SLC18A1: variants seen among roughly 807,000 people sequenced by gnomAD.
The protein encoded by SLC18A1 is chromaffin granule amine transporter.
Under a neutral mutation model 53.7 loss-of-function variants are expected in SLC18A1, and 69 were observed. The ratio of observed to expected loss-of-function variants is 1.28; its 90% CI spans 1.06 to 1.57. The LOEUF is 1.57. Ranked by LOEUF, SLC18A1 falls within the 40% of genes most tolerant of loss-of-function variation. The probability of loss-of-function intolerance (pLI) is 0.00; values close to 1 mark genes in which losing one functional copy is unlikely to be tolerated. For missense variants in SLC18A1, 932 were observed against 668.1 expected, an observed-to-expected ratio of 1.40 and a Z score of -4.35; for synonymous variants, 320 against 248.1, an observed-to-expected ratio of 1.29 and a Z score of -2.72.
rs2072402816 is a variant in SLC18A1, at chr8:20,180,696, T to C, written c.124+145A>G. ...AGACTCCATTTTCTGCAGGGCTTTT[T>C]TCCAGTCCCCAACAACCTCTGTGTG... On this transcript the variant is annotated intron_variant, in intron 2 of 15. Coordinates refer to ENST00000276373, the MANE Select transcript of SLC18A1 (RefSeq NM_003053.4). The C allele has an allele frequency of 3.0e-6, 3 of 1,016,282 alleles. 1 individual carries two copies. The highest frequency in any genetic ancestry group is 3.2e-5 in the South Asian group (2 of 61,588). 63.0% of individuals were successfully genotyped at this position (1,016,282 alleles called of 1,614,324 possible).
intron 8 of SLC18A1, among the ~76,000 whole-genome samples, chr8:20,168,996 G>T (rs1296128236): frequency 6.6e-6 from 1 of 152,154 alleles, no homozygotes; most frequent in African/African-American, 2.4e-5. Flanking sequence ...AGATTTATAT[G>T]ACTTTACAAC....
intron 8 of SLC18A1, 95 bp from the exon 9 acceptor site, chr8:20,165,202 G>C: frequency 1.8e-6 from 2 of 1,113,878 alleles, no homozygotes; most frequent in Non-Finnish European, 2.7e-6. Context: ...TGGGCTTAGA[G>C]ACCATCTACA....
At chr8:20,153,962 A>G (rs963576225) in intron 10 of SLC18A1, among the ~76,000 whole-genome samples, 5 of 152,078 alleles carry the variant, frequency 3.3e-5, no homozygotes, top group African/African-American at 4.8e-5. Flanking sequence ...GGGTCATGGG[A>G]ATGAATCCCT....
In SLC18A1 at chr8:20,147,363, C is replaced by G. The variant is rs1320974141; in HGVS notation, c.1359G>C (p.Lys453Asn). The change falls in exon 15 of 16, where the codon AAG becomes AAC. Residue 453 changes from lysine to asparagine, a missense_variant. Lys to Asn is a moderately conservative substitution (Grantham distance 94). Coordinates refer to ENST00000276373, the MANE Select transcript of SLC18A1 (RefSeq NM_003053.4). ...IGPSTGGAIV[K>N]AIGFPWLMVI... Reference sequence around the variant, plus strand: ...CCATGAGCCAGGGAAAACCGATGGCCTTTACAATGGCACCACCGGTGGATG... The same window carrying G: ...CCATGAGCCAGGGAAAACCGATGGCGTTTACAATGGCACCACCGGTGGATG... 1 of 1,612,518 alleles carries G rather than the reference C, an allele frequency of 6.2e-7. No homozygotes were observed. The highest frequency in any genetic ancestry group is 1.1e-5 in the South Asian group (1 of 90,914).
chr8:20,162,297 G>T (rs2071850042), intron 10 of SLC18A1, among the ~76,000 whole-genome samples: 1 of 152,160 alleles, frequency 6.6e-6, no homozygotes, highest in Non-Finnish European at 1.5e-5. Flanking sequence ...TTCTCCCACA[G>T]TCTTAATAAG....
At chr8:20,159,683 A>G (rs2071775034) in intron 10 of SLC18A1, among the ~76,000 whole-genome samples, 2 of 151,776 alleles carry the variant, frequency 1.3e-5, no homozygotes, top group South Asian at 4.2e-4. Flanking sequence ...AGAAAAGAAA[A>G]GAAATCTCTG....
intron 8 of SLC18A1, among the ~76,000 whole-genome samples, chr8:20,166,276 G>GGT (rs141519804): frequency 0.2 from 12,183 of 59,658 alleles, 1,486 homozygotes; most frequent in Non-Finnish European, 0.26. Flanking sequence ...ATTGTGTGTG[G>GGT]GTGTGTGTGT....
chr8:20,180,985 A>C lies in SLC18A1; in HGVS notation c.-21T>G, dbSNP rs1326426792. On this transcript the variant is annotated 5_prime_UTR_variant, in exon 2 of 16. Transcript: ENST00000276373. ...AGCATGGTGATGGCCGGACTGGGGC[A>C]GTCTTCCCCTGCGGGCTCTTAGGGA... is the stretch of plus-strand genomic sequence containing the variant. 1.3e-6 allele frequency: 2 copies of C among 1,558,912 alleles called. No individual in the cohort carries two copies. Among genetic ancestry groups the C allele is most frequent in the Non-Finnish European group, 1.7e-6 (2 of 1,151,272 alleles).
chr8:20,157,234 A>C (rs2071705692), intron 10 of SLC18A1, among the ~76,000 whole-genome samples: 1 of 152,172 alleles, frequency 6.6e-6, no homozygotes, highest in South Asian at 2.1e-4. Flanking sequence ...AAACGCCCCT[A>C]AGATGTATTC....
intron 2 of SLC18A1, among the ~76,000 whole-genome samples, 180 bp from the exon 3 acceptor site, chr8:20,179,664 C>T (rs1056260487): frequency 6.6e-6 from 1 of 152,182 alleles, no homozygotes; most frequent in Non-Finnish European, 1.5e-5. Flanking sequence ...GAGGTTCAGC[C>T]TTATGCCCAA....
rs183492335 is a variant in SLC18A1, at chr8:20,171,839, C to T, written c.725-345G>A. The stretch of plus-strand genomic sequence containing the variant: ...ATGTCTCAGGAATTTCAGGCAGCCA[C>T]GAGGGCTTTGCCAAGTGTAGAGTAT... On this transcript the variant is annotated intron_variant, in intron 6 of 15. Transcript: ENST00000276373. Among the ~76,000 whole-genome samples the T allele has an allele frequency of 4.6e-5, 7 of 152,220 alleles. No homozygotes were observed. The East Asian group carries it at 9.7e-4, about 21-fold the overall frequency.
rs770020647 is a variant in SLC18A1, at chr8:20,149,672, T to C, written c.1146+4A>G. The C allele has an allele frequency of 2.5e-6, 4 of 1,612,026 alleles. No homozygotes were observed. The South Asian group carries it at 4.4e-5, about 18-fold the overall frequency. On this transcript the variant is annotated splice_donor_region_variant and intron_variant, in intron 12 of 15. Transcript: ENST00000276373. Reference sequence around the variant, plus strand: ...TCCCCTCCCCCAGGTCTTCTTATACTTACACAGAGCAAGCTGGTACCTACT... The same window carrying C: ...TCCCCTCCCCCAGGTCTTCTTATACCTACACAGAGCAAGCTGGTACCTACT...
At chr8:20,149,645 C>T (rs1176904610) in intron 12 of SLC18A1, 31 bp downstream of exon 12, 2 of 1,562,270 alleles carry the variant, frequency 1.3e-6, no homozygotes, top group Non-Finnish European at 1.8e-6. Flanking sequence ...TCTCTCTCTC[C>T]TTCCCCTCCC....
chr8:20,168,511 T>G (rs1305852329), intron 8 of SLC18A1, among the ~76,000 whole-genome samples: 1 of 152,164 alleles, frequency 6.6e-6, no homozygotes. Flanking sequence ...ATATACCTAT[T>G]TGGTATAAAT....
Position 20,148,047 on chromosome 8 carries a change from A to G in SLC18A1, c.1170T>C (p.Phe390=). ...GCCCTGCATTGGGGCCAATGAGACCAAAAATATTGTGAGCCAGAGGAACCT... is the reference window on the plus strand; with the variant it reads ...GCCCTGCATTGGGGCCAATGAGACCGAAAATATTGTGAGCCAGAGGAACCT... ...LLCVPLAHNI[F]GLIGPNAGLG... is the part of the protein sequence containing the mutation. Residue 390 remains phenylalanine, a synonymous_variant, in exon 13 of 16, where the codon TTT becomes TTC. Transcript: ENST00000276373. 3.1e-6 allele frequency: 5 copies of G among 1,613,986 alleles called. No individual in the cohort carries two copies. In the South Asian group the frequency reaches 5.5e-5, roughly 18 times the overall value.
At chr8:20,178,560 T>A in intron 3 of SLC18A1, 67 bp from the exon 4 acceptor site, 3 of 1,218,236 alleles carry the variant, frequency 2.5e-6, no homozygotes, top group Admixed American at 2.1e-5. Flanking sequence ...GACTACATTT[T>A]TAAATGTAAG....
chr8:20,173,108 C>G lies in SLC18A1; in HGVS notation c.652G>C (p.Val218Leu). 1 of 1,575,662 alleles carries G rather than the reference C, an allele frequency of 6.3e-7. No homozygotes were observed. The highest frequency in any genetic ancestry group is 1.2e-5 in the South Asian group (1 of 85,836). ...CCTCTCTCATGGTCATCAGTGTAGA[C>G]ACTGGCCAGCATTCCAAGACCTGCG... is the stretch of plus-strand genomic sequence containing the variant. ...SVAGLGMLAS[V>L]YTDDHERGRA... is the part of the protein sequence containing the mutation. Residue 218 changes from valine to leucine, a missense_variant, in exon 6 of 16, where the codon GTC becomes CTC. Coordinates refer to ENST00000276373, the MANE Select transcript of SLC18A1 (RefSeq NM_003053.4).
rs748580182 is a variant in SLC18A1, at chr8:20,174,382, A to T, written c.610T>A (p.Ser204Thr). 1.9e-5 allele frequency: 31 copies of T among 1,613,750 alleles called. No homozygotes were observed. The highest frequency in any genetic ancestry group is 2.5e-5 in the Non-Finnish European group (29 of 1,179,858). The change falls in exon 5 of 16, where the codon TCT (serine) becomes ACT (threonine). Residue 204 changes from serine to threonine, a missense_variant. Coordinates refer to ENST00000276373, the MANE Select transcript of SLC18A1 (RefSeq NM_003053.4). ...FVARTLQGIGSSFSSVAGLGM... is the reference protein window; with the variant it reads ...FVARTLQGIGTSFSSVAGLGM... ...TTACCTGCAACAGATGAAAATGAAG[A>T]TCCAATGCCTTGAAGGGTTCGGGCC...
chr8:20,154,028 G>A (rs2071623896), intron 10 of SLC18A1, among the ~76,000 whole-genome samples: 3 of 152,126 alleles, frequency 2.0e-5, no homozygotes, highest in African/African-American at 7.2e-5. Flanking sequence ...TTCTTGCTCT[G>A]TAAGTTCACA....
Sources: allele counts gnomAD v4.1 joint callset (sites outside exome capture counted in the v4.1 genomes callset), GRCh38; gene constraint gnomAD v4.1.1; transcripts MANE v1.5; gene names NCBI Gene and HGNC (gene_info 2026-07-23, HGNC 2026-07-21).